ABCB5: variants seen among roughly 807,000 people sequenced by gnomAD.
ABCB5 encodes the protein ATP-binding cassette sub-family B member 5.
A neutral mutation model predicts 144.2 loss-of-function variants in ABCB5; 155 were observed. The ratio of observed to expected loss-of-function variants is 1.08; its 90% confidence interval spans 0.94 to 1.23. The LOEUF is 1.23. Ranked by LOEUF, ABCB5 falls within the 50% of genes most tolerant of loss-of-function variation. The pLI is 0.00. For synonymous variants in ABCB5, 610 were observed against 528.6 expected, an observed-to-expected ratio of 1.15 and a Z score of -2.11; for missense variants, 1,830 against 1,520.8, an observed-to-expected ratio of 1.20 and a Z score of -3.38.
intron 13 of ABCB5, among the ~76,000 whole-genome samples, chr7:20,655,774 A>G (rs1210584238): frequency 6.6e-6 from 1 of 152,216 alleles, no homozygotes; most frequent in Non-Finnish European, 1.5e-5. Flanking sequence ...AAATCTCACC[A>G]GTTTTTATGT....
chr7:20,650,187 G>T, intron 12 of ABCB5, 40 bp downstream of exon 12: 1 of 1,601,544 alleles, frequency 6.2e-7, no homozygotes, highest in South Asian at 1.1e-5. Flanking sequence ...TCCACCTAAT[G>T]GAATCTGGAA....
chr7:20,707,335 T>TA (rs1786855177), intron 20 of ABCB5, among the ~76,000 whole-genome samples: 1 of 152,180 alleles, frequency 6.6e-6, no homozygotes, highest in Non-Finnish European at 1.5e-5. Context: ...GCTAGTGAAA[T>TA]AGAGTCATAG....
intron 5 of ABCB5, among the ~76,000 whole-genome samples, chr7:20,638,016 A>T (rs1001753204): frequency 6.6e-6 from 1 of 152,112 alleles, no homozygotes; most frequent in Non-Finnish European, 1.5e-5. Context: ...GTAGTTTGGG[A>T]GTCTGATTAC....
chr7:20,709,533 A>G (rs1270370395), intron 20 of ABCB5, among the ~76,000 whole-genome samples: 1 of 149,856 alleles, frequency 6.7e-6, no homozygotes, highest in Non-Finnish European at 1.5e-5. Context: ...AAAACATGGC[A>G]TTGAAAGTCC....
chr7:20,652,362 G>A (rs1784623953), intron 13 of ABCB5, among the ~76,000 whole-genome samples: 1 of 152,206 alleles, frequency 6.6e-6, no homozygotes, highest in African/African-American at 2.4e-5. Flanking sequence ...GAGGTTAGGA[G>A]TTTGAGACCA....
chr7:20,682,582 A>G (rs1423446756), intron 15 of ABCB5, among the ~76,000 whole-genome samples: 3 of 152,216 alleles, frequency 2.0e-5, no homozygotes, highest in Admixed American at 2.0e-4. Context: ...TGTTGAGGGT[A>G]TAATGGAAAA....
chr7:20,736,117 A>G (rs1782371131), intron 23 of ABCB5, among the ~76,000 whole-genome samples: 1 of 152,216 alleles, frequency 6.6e-6, no homozygotes, highest in Non-Finnish European at 1.5e-5. Context: ...CTAATCAAAG[A>G]AAGAAACTTA....
intron 14 of ABCB5, among the ~76,000 whole-genome samples, chr7:20,678,802 AAT>A (rs1369055103): frequency 6.6e-6 from 1 of 152,214 alleles, no homozygotes; most frequent in Non-Finnish European, 1.5e-5. Context: ...CCCAATAGCA[AAT>A]AGAATACAAA....
At chr7:20,640,720 A>T (rs957815399) in intron 5 of ABCB5, among the ~76,000 whole-genome samples, 1 of 152,164 alleles carries the variant, frequency 6.6e-6, no homozygotes, top group African/African-American at 2.4e-5. Flanking sequence ...AACCATGAAA[A>T]CACCACAAGT....
Position 20,723,217 on chromosome 7 carries a change from A to C in ABCB5, c.2623A>C (p.Lys875Gln). Residue 875 changes from lysine to glutamine, a missense_variant and splice_region_variant, in exon 21 of 28, where the codon AAG becomes CAG. Lys to Gln is a moderately conservative substitution (Grantham distance 53, BLOSUM62 1). Transcript: ENST00000404938. ...TAAGCAAGAACTTAAGCATGCTGGAAAGGTAAAATGAAGACTGTTATCACC... is the reference window on the plus strand; with the variant it reads ...TAAGCAAGAACTTAAGCATGCTGGACAGGTAAAATGAAGACTGTTATCACC... ...KDKQELKHAGKIATEALENIR... is the reference protein window; with the variant it reads ...KDKQELKHAGQIATEALENIR... 6.2e-7 allele frequency: 1 copy of C among 1,613,990 alleles called. No homozygotes were observed. Among genetic ancestry groups the C allele is most frequent in the Non-Finnish European group, 8.5e-7 (1 of 1,179,956 alleles).
chr7:20,712,272 T>C lies in ABCB5; in HGVS notation c.2421+7465T>C, dbSNP rs544337120. On this transcript the variant is annotated intron_variant, in intron 20 of 27. Transcript: ENST00000404938. ...CTTATCTTTTTTCCTCTGATCATAA[T>C]GTATATTTCTTCCTTTGCTTTTAAG... is the stretch of plus-strand genomic sequence containing the variant. 2.0e-5 allele frequency among the ~76,000 whole-genome samples: 3 copies of C among 146,770 alleles called. 1 individual carries two copies. The highest frequency in any genetic ancestry group is 2.0e-4 in the Admixed American group (3 of 14,688).
chr7:20,643,279 A>G lies in ABCB5; in HGVS notation c.410A>G (p.Lys137Arg), dbSNP rs565994506. 3.7e-6 allele frequency: 6 copies of G among 1,613,930 alleles called. No individual in the cohort carries two copies. The highest frequency in any genetic ancestry group is 1.1e-5 in the South Asian group (1 of 91,072). Residue 137 changes from lysine to arginine, a missense_variant, in exon 6 of 28, where the codon AAG becomes AGG. Physicochemically the swap from Lys to Arg is conservative, Grantham distance 26. Coordinates refer to ENST00000404938, the MANE Select transcript of ABCB5 (RefSeq NM_001163941.2). ...ATTATAACTGCAGCACGACAGACCA[A>G]GAGGATTCGAAAACAGTTTTTTCAT... is the stretch of plus-strand genomic sequence containing the variant. ...LWIITAARQT[K>R]RIRKQFFHSV...
chr7:20,718,124 T>C (rs1485367457), intron 20 of ABCB5, among the ~76,000 whole-genome samples: 1 of 151,428 alleles, frequency 6.6e-6, no homozygotes, highest in Admixed American at 6.6e-5. Context: ...TTAGCCAGGA[T>C]GGTCTTGATC....
intron 14 of ABCB5, among the ~76,000 whole-genome samples, chr7:20,665,346 G>A (rs1411755832): frequency 1.3e-5 from 2 of 152,096 alleles, no homozygotes; most frequent in Non-Finnish European, 2.9e-5. Flanking sequence ...CAGTGACGTG[G>A]TCTGACAGTA....
intron 1 of ABCB5, among the ~76,000 whole-genome samples, chr7:20,620,359 T>C (rs894540572): frequency 1.3e-5 from 2 of 152,106 alleles, no homozygotes; most frequent in African/African-American, 4.8e-5. Flanking sequence ...TTCTTAGATA[T>C]GATGCCAAAA....
chr7:20,688,457 A>C (rs1786079898), intron 16 of ABCB5, among the ~76,000 whole-genome samples: 2 of 152,206 alleles, frequency 1.3e-5, no homozygotes. Context: ...ATCATTAAAA[A>C]GTCAGGAAAC....
intron 20 of ABCB5, among the ~76,000 whole-genome samples, chr7:20,715,940 G>A (rs758110534): frequency 1.3e-5 from 2 of 151,770 alleles, no homozygotes; most frequent in Admixed American, 6.6e-5. Context: ...GGCTGGTATC[G>A]AACTCCTGAC....
At chr7:20,713,218 C>A (rs1224273359) in intron 20 of ABCB5, among the ~76,000 whole-genome samples, 2 of 148,498 alleles carry the variant, frequency 1.3e-5, no homozygotes, top group Non-Finnish European at 3.0e-5. Flanking sequence ...TCTTATTTTG[C>A]CACTTTGCAT....
intron 4 of ABCB5, among the ~76,000 whole-genome samples, chr7:20,629,191 G>C (rs1488593856): frequency 1.4e-5 from 1 of 71,468 alleles, no homozygotes. Context: ...TGTGTAAAGA[G>C]TGAGATTTTA....
Sources: gnomAD v4.1 joint callset for allele counts (sites outside exome capture counted in the v4.1 genomes callset) on GRCh38, gnomAD v4.1.1 for gene constraint, MANE v1.5 for transcripts, NCBI Gene and HGNC (gene_info 2026-07-23, HGNC 2026-07-21) for gene names.